CHSY3: variants seen among roughly 807,000 people sequenced by gnomAD.
CHSY3 encodes N-acetylgalactosaminyl-proteoglycan 3-beta-glucuronosyltransferase 3.
CHSY3 carries 35 observed loss-of-function variants against 67.2 expected under a neutral mutation model. The ratio of observed to expected loss-of-function variants is 0.52; its 90% CI spans 0.40 to 0.69. The LOEUF is 0.69. Ranked by LOEUF, CHSY3 falls within the 30% of genes least tolerant of loss-of-function variation. The pLI is 0.00. For synonymous variants in CHSY3, 474 were observed against 434.7 expected (o/e 1.09, Z -1.12); for missense variants, 1,069 against 1,138.5 (o/e 0.94, Z 0.88).
intron 2 of CHSY3, among the ~76,000 whole-genome samples, chr5:130,147,810 T>C (rs1458698492): frequency 6.6e-6 from 1 of 152,200 alleles, no homozygotes; most frequent in African/African-American, 2.4e-5. Flanking sequence ...AATTTTATTT[T>C]ATTTCATTTT....
At chr5:129,921,649 A>G (rs1022252217) in intron 2 of CHSY3, among the ~76,000 whole-genome samples, 2 of 152,140 alleles carry the variant, frequency 1.3e-5, no homozygotes, top group Non-Finnish European at 2.9e-5. Flanking sequence ...CTCCAATTCC[A>G]TCCATGTTGT....
intron 2 of CHSY3, among the ~76,000 whole-genome samples, chr5:130,046,063 A>T (rs1477719516): frequency 2.6e-5 from 4 of 152,230 alleles, no homozygotes; most frequent in South Asian, 2.1e-4. Context: ...GGAAACGACT[A>T]TTATAACTCA....
chr5:129,991,767 A>G (rs952989602), intron 2 of CHSY3, among the ~76,000 whole-genome samples: 1 of 152,164 alleles, frequency 6.6e-6, no homozygotes, highest in African/African-American at 2.4e-5. Flanking sequence ...AGTAGGGGGA[A>G]GAGGAAGAGG....
At chr5:130,114,586 T>C (rs1247433261) in intron 2 of CHSY3, 4 of 152,236 alleles carry the variant, frequency 2.6e-5, no homozygotes, top group Admixed American at 6.5e-5. Flanking sequence ...TAAGGTAATA[T>C]ATGTAAAGTT....
Position 130,060,097 on chromosome 5 carries a change from C to G in CHSY3, c.1087-124132C>G, listed in dbSNP as rs148016965. On this transcript the variant is annotated intron_variant, in intron 2 of 2. Coordinates refer to ENST00000305031, the MANE Select transcript of CHSY3 (RefSeq NM_175856.5). ...ACCTGTATTACTCTGCTACCAAAATCGGGCAAGAACACAACAAAAAGAGAA... is the reference window on the plus strand; with the variant it reads ...ACCTGTATTACTCTGCTACCAAAATGGGGCAAGAACACAACAAAAAGAGAA... Among the ~76,000 whole-genome samples, 56 of 152,090 alleles carry G rather than the reference C, an allele frequency of 3.7e-4. 1 individual carries two copies. The South Asian group carries it at 7.9e-3, about 21-fold the overall frequency.
At chr5:130,168,098 C>G (rs1201122526) in intron 2 of CHSY3, among the ~76,000 whole-genome samples, 1 of 152,188 alleles carries the variant, frequency 6.6e-6, no homozygotes, top group African/African-American at 2.4e-5. Context: ...CCCCAAAACC[C>G]AGGTCTAACT....
chr5:130,183,828 C>A (rs1481038135), intron 2 of CHSY3, among the ~76,000 whole-genome samples: 1 of 151,830 alleles, frequency 6.6e-6, no homozygotes, highest in Non-Finnish European at 1.5e-5. Context: ...TTCAAGTGAT[C>A]TATTGAATAC....
At chr5:130,160,891 A>ATTTTTTTTTTTTT (rs1171885849) in intron 2 of CHSY3, among the ~76,000 whole-genome samples, 1 of 138,256 alleles carries the variant, frequency 7.2e-6, no homozygotes, top group Non-Finnish European at 1.5e-5. Context: ...TTATTTATTT[A>ATTTTTTTTTTTTT]TTTATTTTTT....
chr5:129,916,938 C>T (rs987171059), intron 2 of CHSY3, among the ~76,000 whole-genome samples: 1 of 152,082 alleles, frequency 6.6e-6, no homozygotes, highest in Admixed American at 6.6e-5. Flanking sequence ...TTTGGTACCT[C>T]TCTCAGAACT....
intron 2 of CHSY3, among the ~76,000 whole-genome samples, chr5:130,055,622 A>G (rs371006657): frequency 1.9e-4 from 29 of 152,162 alleles, no homozygotes; most frequent in African/African-American, 6.8e-4. Flanking sequence ...AAATAAGATG[A>G]CACATACACC....
At chr5:130,155,336 T>C (rs1019708076) in intron 2 of CHSY3, among the ~76,000 whole-genome samples, 1 of 152,230 alleles carries the variant, frequency 6.6e-6, no homozygotes, top group Admixed American at 6.5e-5. Flanking sequence ...CATCTGGCCC[T>C]CTTTTTGTGC....
intron 2 of CHSY3, among the ~76,000 whole-genome samples, chr5:130,014,484 T>C (rs1764155786): frequency 6.6e-6 from 1 of 152,164 alleles, no homozygotes. Flanking sequence ...GGAGAGAGAA[T>C]GAGTGCCAGG....
At chr5:130,073,476 T>C (rs1410545741) in intron 2 of CHSY3, among the ~76,000 whole-genome samples, 8 of 151,734 alleles carry the variant, frequency 5.3e-5, no homozygotes, top group Non-Finnish European at 1.2e-4. Context: ...TTAGTAGAGA[T>C]GGGGTTTCAC....
chr5:130,090,994 CTG>C (rs1385378412), intron 2 of CHSY3, among the ~76,000 whole-genome samples: 5 of 152,058 alleles, frequency 3.3e-5, no homozygotes, highest in African/African-American at 9.7e-5. Flanking sequence ...CCTTTCAAAT[CTG>C]TGTTTTTTTA....
Position 129,931,843 on chromosome 5 carries a change from C to T in CHSY3, c.1086+23483C>T, listed in dbSNP as rs112070018. ...TGAAAGTCCTCCCCATGGACTTCTC[C>T]CTAAATTGTGTCATATAACCAAGTG... On this transcript the variant is annotated intron_variant, in intron 2 of 2. Transcript: ENST00000305031. Among the ~76,000 whole-genome samples the T allele has an allele frequency of 3.1e-3, 471 of 151,866 alleles. 4 individuals carry two copies. The highest frequency in any genetic ancestry group is 0.011 in the African/African-American group (443 of 41,388).
intron 2 of CHSY3, among the ~76,000 whole-genome samples, chr5:130,013,269 G>A (rs2149648307): frequency 6.6e-6 from 1 of 152,284 alleles, no homozygotes; most frequent in South Asian, 2.1e-4. Flanking sequence ...GGCACATGGT[G>A]TAAGCTGTTG....
At chr5:130,015,715 A>G (rs1218424490) in intron 2 of CHSY3, among the ~76,000 whole-genome samples, 1 of 152,210 alleles carries the variant, frequency 6.6e-6, no homozygotes, top group Non-Finnish European at 1.5e-5. Flanking sequence ...GATTCAACCC[A>G]TCAATCCCAT....
Position 129,904,897 on chromosome 5 carries a change from C to T in CHSY3, c.68C>T (p.Ala23Val). 3 of 1,526,998 alleles carry T rather than the reference C, an allele frequency of 2.0e-6. No homozygotes were observed. The highest frequency in any genetic ancestry group is 2.6e-6 in the Non-Finnish European group (3 of 1,138,236). 94.6% of individuals were successfully genotyped at this position (1,526,998 alleles called of 1,614,324 possible). ...ALGLVLGFTAASWLIAPRVAE... is the reference protein window; with the variant it reads ...ALGLVLGFTAVSWLIAPRVAE... ...GGGCTGGTGCTGGGCTTCACCGCCG[C>T]GTCCTGGCTCATCGCCCCCAGGGTG... The change falls in exon 1 of 3, where the codon GCG becomes GTG. Residue 23 changes from alanine to valine, a missense_variant. Ala to Val is a moderately conservative substitution (Grantham distance 64). Around this residue, in one of 5 missense-constraint regions of CHSY3, gnomAD observed 309 missense variants for 262.5 expected, o/e 1.18. Coordinates refer to ENST00000305031, the MANE Select transcript of CHSY3 (RefSeq NM_175856.5).
At position 129,905,465 on chromosome 5, in the gene CHSY3, C is replaced by T; in HGVS notation, c.636C>T (p.Pro212=). The change falls in exon 1 of 3, where the codon CCC becomes CCT. Residue 212 remains proline, a synonymous_variant. Coordinates refer to ENST00000305031, the MANE Select transcript of CHSY3 (RefSeq NM_175856.5). ...RVEFFSSQQP[P]NAGQPPPPLP... is the part of the protein sequence containing the mutation. ...AGTTCTTTTCCAGCCAGCAGCCCCC[C>T]AACGCCGGCCAGCCCCCGCCACCCC... is the stretch of plus-strand genomic sequence containing the variant. 6.2e-7 allele frequency: 1 copy of T among 1,612,800 alleles called. No individual in the cohort carries two copies. Among genetic ancestry groups the T allele is most frequent in the Non-Finnish European group, 8.5e-7 (1 of 1,180,008 alleles).
Sources: allele counts gnomAD v4.1 joint callset (sites outside exome capture counted in the v4.1 genomes callset), GRCh38; gene constraint gnomAD v4.1.1; regional missense constraint gnomAD v4.1.1; transcripts MANE v1.5; gene names NCBI Gene and HGNC (gene_info 2026-07-23, HGNC 2026-07-21).